ADAM7: variants seen among roughly 807,000 people sequenced by gnomAD.
ADAM7 encodes the protein ADAM metallopeptidase domain 7, also known as disintegrin and metalloproteinase domain-containing protein 7.
Under a neutral mutation model 102.9 loss-of-function variants are expected in ADAM7, and 97 were observed. That is an observed-to-expected ratio of 0.94 (90% CI 0.80 to 1.12). The LOEUF is 1.12. Among genes scored for constraint, ADAM7 ranks in the 50% most tolerant of loss-of-function variants. The pLI is 0.00. For synonymous variants in ADAM7, 334 were observed against 304.4 expected, an observed-to-expected ratio of 1.10 and a Z score of -1.01; for missense variants, 991 against 908.7, an observed-to-expected ratio of 1.09 and a Z score of -1.16.
At chr8:24,502,947 C>G (rs1820813202) in intron 20 of ADAM7, among the ~76,000 whole-genome samples, 1 of 152,024 alleles carries the variant, frequency 6.6e-6, no homozygotes, top group African/African-American at 2.4e-5. Flanking sequence ...AATACACTAA[C>G]AAATATAGGT....
chr8:24,503,142 T>A (rs1254873405), intron 20 of ADAM7, among the ~76,000 whole-genome samples: 1 of 152,154 alleles, frequency 6.6e-6, no homozygotes, highest in East Asian at 1.9e-4. Flanking sequence ...AATCATATGA[T>A]CATATCAATA....
intron 10 of ADAM7, among the ~76,000 whole-genome samples, chr8:24,486,757 T>C (rs181861095): frequency 3.9e-4 from 60 of 152,248 alleles, no homozygotes; most frequent in African/African-American, 1.3e-3. Context: ...ATCCCACTTA[T>C]GAGGGCTCTG....
At chr8:24,501,679 G>A (rs888022128) in intron 20 of ADAM7, 103 bp downstream of exon 20, 1 of 749,310 alleles carries the variant, frequency 1.3e-6, no homozygotes, top group Admixed American at 3.2e-5. Context: ...GACATGGGAA[G>A]TGCAGAGGAG....
At position 24,466,849 on chromosome 8, in the gene ADAM7, A is replaced by C. The variant is rs755370535; in HGVS notation, c.440A>C (p.Tyr147Ser). The C allele has an allele frequency of 6.2e-7, 1 of 1,614,072 alleles. No homozygotes were observed. Among genetic ancestry groups the C allele is most frequent in the Non-Finnish European group, 8.5e-7 (1 of 1,179,956 alleles). Residue 147 changes from tyrosine to serine, a missense_variant, in exon 6 of 22, where the codon TAC (tyrosine) becomes TCC (serine). By Grantham distance (144) the Tyr-to-Ser change is moderately radical. Transcript: ENST00000175238. Reference sequence around the variant, plus strand: ...AGATACCTCATTGAACCAGTGAAATACTCAGATGAGGGAGAACATTTGGTG... The same window carrying C: ...AGATACCTCATTGAACCAGTGAAATCCTCAGATGAGGGAGAACATTTGGTG... Reference protein sequence around the residue: ...DQRYLIEPVKYSDEGEHLVFK... With the variant: ...DQRYLIEPVKSSDEGEHLVFK...
intron 8 of ADAM7, among the ~76,000 whole-genome samples, chr8:24,480,017 C>T (rs1819896266): frequency 6.6e-6 from 1 of 152,148 alleles, no homozygotes; most frequent in Admixed American, 6.5e-5. Flanking sequence ...CAATTTATGT[C>T]CGTGGAAATT....
intron 16 of ADAM7, among the ~76,000 whole-genome samples, chr8:24,495,116 G>C (rs948482349): frequency 1.3e-5 from 2 of 152,160 alleles, no homozygotes; most frequent in Non-Finnish European, 2.9e-5. Context: ...GCTGGCGTGA[G>C]TGAAGCAGTG....
intron 3 of ADAM7, among the ~76,000 whole-genome samples, chr8:24,451,064 G>A (rs902730837): frequency 6.6e-6 from 1 of 151,950 alleles, no homozygotes; most frequent in African/African-American, 2.4e-5. Context: ...GCATTTTATT[G>A]AGGATTTTTG....
At chr8:24,456,837 G>A (rs1490917226) in intron 3 of ADAM7, among the ~76,000 whole-genome samples, 2 of 151,988 alleles carry the variant, frequency 1.3e-5, no homozygotes, top group Non-Finnish European at 2.9e-5. Context: ...ACTGCAGTTC[G>A]TTCATCCACT....
At chr8:24,484,241 A>C (rs1041238721) in intron 9 of ADAM7, among the ~76,000 whole-genome samples, 1 of 152,182 alleles carries the variant, frequency 6.6e-6, no homozygotes, top group Non-Finnish European at 1.5e-5. Context: ...TTCAATAATA[A>C]AGAGAAAAAT....
At chr8:24,494,701 A>G (rs1820493340) in intron 16 of ADAM7, among the ~76,000 whole-genome samples, 1 of 142,246 alleles carries the variant, frequency 7.0e-6, no homozygotes, top group Non-Finnish European at 1.5e-5. Flanking sequence ...AGGTATCACA[A>G]TGATGTGAGT....
At chr8:24,489,014 TA>T in intron 11 of ADAM7, 144 bp from the exon 12 acceptor site, 15 of 650,422 alleles carry the variant, frequency 2.3e-5, no homozygotes, top group Non-Finnish European at 3.3e-5. Context: ...AGATATTTTC[TA>T]TAATAAAGGA....
chr8:24,490,538 G>A (rs1440240835), intron 12 of ADAM7: 1 of 359,888 alleles, frequency 2.8e-6, no homozygotes. Context: ...TAGGATAACT[G>A]AAGATTATAA....
intron 3 of ADAM7, among the ~76,000 whole-genome samples, chr8:24,452,496 T>C (rs1818836697): frequency 6.6e-6 from 1 of 151,994 alleles, no homozygotes. Context: ...TGTTTTCCGT[T>C]TGTTTGGTAG....
intron 3 of ADAM7, among the ~76,000 whole-genome samples, chr8:24,458,945 C>A (rs888419440): frequency 9.2e-5 from 14 of 151,562 alleles, no homozygotes; most frequent in African/African-American, 3.4e-4. Flanking sequence ...TTGCCAATAT[C>A]TTATTAAGGG....
At chr8:24,452,446 T>A (rs1474883819) in intron 3 of ADAM7, among the ~76,000 whole-genome samples, 1 of 150,316 alleles carries the variant, frequency 6.7e-6, no homozygotes, top group Non-Finnish European at 1.5e-5. Flanking sequence ...GTTTACAGTC[T>A]GTTTTATCAG....
intron 3 of ADAM7, among the ~76,000 whole-genome samples, chr8:24,448,873 A>G (rs999954010): frequency 6.6e-6 from 1 of 152,010 alleles, no homozygotes; most frequent in Non-Finnish European, 1.5e-5. Flanking sequence ...TCATTGTTCA[A>G]TTCCCACCTG....
chr8:24,500,182 A>C lies in ADAM7; in HGVS notation c.1928A>C (p.Asp643Ala). ...CPSQCNENPV[D>A]GHGLQCHCEE... ...TATCATTGACTGCTCTTCCAGGTGGATGGCCACGGACTCCAGTGCCACTGT... is the reference window on the plus strand; with the variant it reads ...TATCATTGACTGCTCTTCCAGGTGGCTGGCCACGGACTCCAGTGCCACTGT... Residue 643 changes from aspartate to alanine, a missense_variant, in exon 18 of 22, where the codon GAT becomes GCT. Transcript: ENST00000175238. The C allele has an allele frequency of 6.2e-7, 1 of 1,610,062 alleles. No individual in the cohort carries two copies. Among genetic ancestry groups the C allele is most frequent in the Non-Finnish European group, 8.5e-7 (1 of 1,177,304 alleles).
At chr8:24,488,267 T>A (rs1820211954) in intron 11 of ADAM7, among the ~76,000 whole-genome samples, 1 of 152,094 alleles carries the variant, frequency 6.6e-6, no homozygotes, top group South Asian at 2.1e-4. Flanking sequence ...CCATAAACAG[T>A]TACAGAATAA....
chr8:24,442,906 C>T (rs1414153022), intron 2 of ADAM7, among the ~76,000 whole-genome samples: 6 of 152,092 alleles, frequency 3.9e-5, no homozygotes, highest in Admixed American at 3.9e-4. Flanking sequence ...TCCCAGAGGT[C>T]TGGTATGCAA....
Sources: gnomAD v4.1 joint callset for allele counts (sites outside exome capture counted in the v4.1 genomes callset) on GRCh38, gnomAD v4.1.1 for gene constraint, MANE v1.5 for transcripts, NCBI Gene and HGNC (gene_info 2026-07-23, HGNC 2026-07-21) for gene names.